The following SPACA6 variants were observed in gnomAD, a reference collection of about 807,000 sequenced individuals.
SPACA6 encodes sperm acrosome membrane-associated protein 6.
For missense variants in SPACA6, 8 were observed against 2.8 expected (o/e 2.88, Z -1.34); for synonymous variants, 6 against 1.5 (o/e 4.05, Z -2.21).
intron 2 of SPACA6, among the ~76,000 whole-genome samples, chr19:51,695,865 GT>G (rs1211802889): frequency 6.6e-6 from 1 of 152,218 alleles, no homozygotes; most frequent in African/African-American, 2.4e-5. Context: ...GGGCCAGAGA[GT>G]TAGGTCTGCT....
chr19:51,691,426 T>G (rs1600131402), upstream of SPACA6, among the ~76,000 whole-genome samples: 3 of 122,240 alleles, frequency 2.5e-5, no homozygotes, highest in African/African-American at 6.5e-5. Flanking sequence ...GGAGAGAGAC[T>G]GAGAGAGGGC....
intron 2 of SPACA6, among the ~76,000 whole-genome samples, chr19:51,696,566 G>A (rs891245123): frequency 1.3e-5 from 2 of 152,076 alleles, no homozygotes; most frequent in Non-Finnish European, 2.9e-5. Flanking sequence ...TCCTGCCTCA[G>A]CCTCCCAAGT....
chr19:51,693,277 C>T, upstream of SPACA6: 1 of 736,770 alleles, frequency 1.4e-6, no homozygotes, highest in Admixed American at 1.8e-5. Context: ...GTCCCTGAGA[C>T]CCTTTAACCT....
Position 51,693,511 on chromosome 19 carries a change from C to A in SPACA6, c.-16C>A, listed in dbSNP as rs999774017. The stretch of plus-strand genomic sequence containing the variant: ...TAAAGGTTACTAGCTTCTCCCCTGG[C>A]CTTGAGACCCACACGATGGCCCTGC... On this transcript the variant is annotated 5_prime_UTR_variant, in exon 1 of 9. Coordinates refer to ENST00000637797, the MANE Select transcript of SPACA6 (RefSeq NM_001316972.2). 3.6e-5 allele frequency: 18 copies of A among 498,918 alleles called. No homozygotes were observed. Among genetic ancestry groups the A allele is most frequent in the Non-Finnish European group, 6.3e-5 (17 of 270,062 alleles). The allele number at this position is 498,918 out of a possible 1,614,324, so 30.9% of individuals were successfully genotyped here.
At chr19:51,698,224 A>T (rs1354044855) in intron 2 of SPACA6, among the ~76,000 whole-genome samples, 2 of 152,158 alleles carry the variant, frequency 1.3e-5, no homozygotes, top group African/African-American at 4.8e-5. Flanking sequence ...AGGTGTGCTC[A>T]AGACGGAAGC....
At chr19:51,700,157 G>A (rs1327513313) in intron 2 of SPACA6, among the ~76,000 whole-genome samples, 21 of 152,176 alleles carry the variant, frequency 1.4e-4, no homozygotes, top group Admixed American at 1.4e-3. Context: ...GGGAGGCTGA[G>A]GCAGGAGAAT....
chr19:51,688,931 A>C (rs534115485), upstream of SPACA6, among the ~76,000 whole-genome samples: 1 of 102,042 alleles, frequency 9.8e-6, no homozygotes, highest in Non-Finnish European at 2.0e-5. Flanking sequence ...ACGAGAGAGA[A>C]GGGAGGGAGG....
chr19:51,707,033 C>A (rs1047434409), downstream of SPACA6, among the ~76,000 whole-genome samples: 2 of 152,216 alleles, frequency 1.3e-5, no homozygotes, highest in African/African-American at 4.8e-5. Flanking sequence ...TGTACTCATT[C>A]TTGTTCACTG....
downstream of SPACA6, among the ~76,000 whole-genome samples, chr19:51,706,127 T>C (rs2083514685): frequency 6.6e-6 from 1 of 152,186 alleles, no homozygotes; most frequent in African/African-American, 2.4e-5. Context: ...GTCTGGCCTT[T>C]GCTGACCTCA....
chr19:51,694,668 C>T (rs1372603397), intron 2 of SPACA6, 113 bp downstream of exon 2: 3 of 398,120 alleles, frequency 7.5e-6, no homozygotes, highest in Non-Finnish European at 1.3e-5. Context: ...GGCAGTGATC[C>T]GGGAGGGGAA....
At chr19:51,685,538 GTTTT>G (rs1289924663), upstream of SPACA6, 1 of 152,142 alleles carries the variant, frequency 6.6e-6, no homozygotes, top group Non-Finnish European at 1.5e-5. Context: ...ATGAAACAAG[GTTTT>G]TTGTTTGTTT....
the SPACA6 span, among the ~76,000 whole-genome samples, chr19:51,683,508 A>G: frequency 6.6e-6 from 1 of 152,184 alleles, no homozygotes; most frequent in Admixed American, 6.5e-5. Context: ...ATGGGTAGGA[A>G]GGGAGGGGTC....
At chr19:51,686,442 C>G (rs1043001489), upstream of SPACA6, 6 of 152,202 alleles carry the variant, frequency 3.9e-5, no homozygotes, top group African/African-American at 1.4e-4. Flanking sequence ...AGGACAAGGA[C>G]TGTGATGTGG....
At chr19:51,708,737 G>A (rs1220013242), downstream of SPACA6, among the ~76,000 whole-genome samples, 1 of 152,146 alleles carries the variant, frequency 6.6e-6, no homozygotes, top group African/African-American at 2.4e-5. Flanking sequence ...TGAAGCACGA[G>A]AATTGCTTGA....
upstream of SPACA6, among the ~76,000 whole-genome samples, chr19:51,691,010 G>C (rs931865525): frequency 1.1e-3 from 5 of 4,682 alleles, no homozygotes; most frequent in Admixed American, 0.014. Flanking sequence ...AGGAGGGAAG[G>C]GGGAAGAGAG....
chr19:51,709,232 AAAG>A (rs1161430861), downstream of SPACA6, among the ~76,000 whole-genome samples: 1 of 151,418 alleles, frequency 6.6e-6, no homozygotes, highest in Non-Finnish European at 1.5e-5. Context: ...AAAAAAAAAA[AAAG>A]AGCAAGGTGC....
downstream of SPACA6, among the ~76,000 whole-genome samples, chr19:51,712,866 A>C (rs1599788547): frequency 6.6e-6 from 1 of 152,202 alleles, no homozygotes; most frequent in African/African-American, 2.4e-5. Context: ...CATCTGCAGT[A>C]CCTGCCAGTG....
downstream of SPACA6, among the ~76,000 whole-genome samples, chr19:51,712,903 G>A (rs964314595): frequency 6.6e-6 from 1 of 152,112 alleles, no homozygotes; most frequent in African/African-American, 2.4e-5. Flanking sequence ...TGCTTGGTAA[G>A]TACCCGTGAA....
At chr19:51,692,376 A>T (rs1341098683), upstream of SPACA6, among the ~76,000 whole-genome samples, 1 of 151,614 alleles carries the variant, frequency 6.6e-6, no homozygotes, top group Admixed American at 6.6e-5. This position sits in a 1 kb window ranked among gnomAD's most constrained non-coding sequence, Gnocchi z 5.6. Flanking sequence ...ATCTGGACTC[A>T]TGAGTCTGAG....
Sources: allele counts gnomAD v4.1 joint callset (sites outside exome capture counted in the v4.1 genomes callset), GRCh38; gene constraint gnomAD v4.1.1; non-coding constraint Gnocchi (gnomAD v3.1); transcripts MANE v1.5; gene names NCBI Gene and HGNC (gene_info 2026-07-23, HGNC 2026-07-21).